Variants in ASTN1 observed in about 807,000 individuals in gnomAD.
ASTN1 encodes astrotactin 1.
ASTN1 carries 41 observed loss-of-function variants against 140.7 expected under a neutral mutation model. The observed-to-expected ratio is 0.29, with a 90% CI of 0.23 to 0.38. The LOEUF (loss-of-function observed/expected upper bound fraction) is 0.38, where lower values mean the gene tolerates loss of function less well. Among genes scored for constraint, ASTN1 ranks in the 10% least tolerant of loss-of-function variants. The pLI is 1.00. For synonymous variants in ASTN1, 640 were observed against 652.2 expected (o/e 0.98, Z 0.29); for missense variants, 1,479 against 1,678.8 (o/e 0.88, Z 2.08).
intron 8 of ASTN1, among the ~76,000 whole-genome samples, chr1:176,973,433 A>T (rs902004462): frequency 6.6e-6 from 1 of 152,120 alleles, no homozygotes; most frequent in Non-Finnish European, 1.5e-5. Flanking sequence ...ACACTCCAAC[A>T]CTGGTTAAAC....
chr1:177,063,173 G>C (rs1678182425), intron 1 of ASTN1, among the ~76,000 whole-genome samples: 1 of 152,166 alleles, frequency 6.6e-6, no homozygotes, highest in African/African-American at 2.4e-5. Flanking sequence ...TTTTATATGA[G>C]CCACAGGTCA....
At chr1:176,866,195 T>C (rs1269055551) in intron 22 of ASTN1, among the ~76,000 whole-genome samples, 1 of 152,040 alleles carries the variant, frequency 6.6e-6, no homozygotes, top group Non-Finnish European at 1.5e-5. Flanking sequence ...TTCTAAAGGG[T>C]GAGCTGGGAG....
intron 20 of ASTN1, among the ~76,000 whole-genome samples, chr1:176,881,325 G>T (rs761401692): frequency 6.6e-6 from 1 of 152,160 alleles, no homozygotes; most frequent in Non-Finnish European, 1.5e-5. Context: ...AGACGGTATT[G>T]GCCTCGGTCT....
intron 22 of ASTN1, among the ~76,000 whole-genome samples, chr1:176,867,050 C>A (rs898200710): frequency 4.6e-5 from 7 of 152,196 alleles, no homozygotes; most frequent in Admixed American, 2.0e-4. Flanking sequence ...ATGAAGGAAC[C>A]TCCTGGGAGG....
At chr1:176,972,799 G>A (rs1302851776) in intron 8 of ASTN1, among the ~76,000 whole-genome samples, 4 of 152,174 alleles carry the variant, frequency 2.6e-5, no homozygotes, top group African/African-American at 4.8e-5. Context: ...TAACACACTT[G>A]TCAGTAATTA....
chr1:177,126,706 T>C lies in ASTN1; in HGVS notation c.283+37688A>G, dbSNP rs1050868662. ...TGCTGCCATCCTGAAGCAAAGGCCA[T>C]TATGATAACGTGTCATCATGCATCA... is the stretch of plus-strand genomic sequence containing the variant. On this transcript the variant is annotated intron_variant, in intron 1 of 22. Transcript: ENST00000361833. Among the ~76,000 whole-genome samples the C allele has an allele frequency of 7.9e-5, 12 of 152,246 alleles. 1 individual carries two copies. The highest frequency in any genetic ancestry group is 6.5e-4 in the Admixed American group (10 of 15,278).
At chr1:177,112,651 A>C (rs1254770853) in intron 1 of ASTN1, among the ~76,000 whole-genome samples, 4 of 152,130 alleles carry the variant, frequency 2.6e-5, no homozygotes, top group Admixed American at 1.3e-4. Context: ...TCACATCCCT[A>C]ATGCCTTTGG....
At chr1:177,160,447 C>T (rs1371741080) in intron 1 of ASTN1, among the ~76,000 whole-genome samples, 2 of 152,194 alleles carry the variant, frequency 1.3e-5, no homozygotes, top group African/African-American at 4.8e-5. Context: ...CAATCAAAAG[C>T]CATGACAGCT....
At chr1:177,072,278 T>C (rs899818054) in intron 1 of ASTN1, among the ~76,000 whole-genome samples, 14 of 152,252 alleles carry the variant, frequency 9.2e-5, no homozygotes, top group African/African-American at 3.4e-4. Flanking sequence ...AATTGAGTTA[T>C]TAACCTATTC....
intron 1 of ASTN1, among the ~76,000 whole-genome samples, chr1:177,092,013 G>A (rs139215650): frequency 6.9e-4 from 105 of 152,000 alleles, no homozygotes; most frequent in African/African-American, 2.1e-3. Context: ...TCTTGGTTAT[G>A]TACCTAAAAT....
At chr1:177,125,956 CCTTTATTT>C (rs745731768) in intron 1 of ASTN1, among the ~76,000 whole-genome samples, 1 of 152,086 alleles carries the variant, frequency 6.6e-6, no homozygotes, top group Non-Finnish European at 1.5e-5. Context: ...CAAAGGATGC[CCTTTATTT>C]CTAATATTCC....
At chr1:177,075,813 T>C (rs1160534329) in intron 1 of ASTN1, among the ~76,000 whole-genome samples, 1 of 151,820 alleles carries the variant, frequency 6.6e-6, no homozygotes, top group Non-Finnish European at 1.5e-5. Flanking sequence ...AGCCTAGTTT[T>C]CATTTCTTTG....
chr1:176,922,225 T>C (rs1446967923), intron 16 of ASTN1, among the ~76,000 whole-genome samples: 1 of 152,146 alleles, frequency 6.6e-6, no homozygotes, highest in Non-Finnish European at 1.5e-5. Context: ...CTGTTGAAAC[T>C]GGGTTGTTAA....
rs373152514 is a variant in ASTN1 at position 176,876,606 on chromosome 1, G to A, written c.3394C>T (p.Arg1132Trp). 47 of 1,614,122 alleles carry A rather than the reference G, an allele frequency of 2.9e-5. No homozygotes were observed. The highest frequency in any genetic ancestry group is 2.3e-4 in the African/African-American group (17 of 75,014). ...ATCACGTCGCTTGGCCTGGAGCGCC[G>A]TCCTGTGTTGTCCACTCCCCACAGC... The part of the protein sequence containing the change: ...FTLWGVDNTG[R>W]RSRPSDVIVK... The change falls in exon 21 of 23, where the codon CGG becomes TGG. Residue 1132 changes from arginine to tryptophan, a missense_variant. Physicochemically the swap from Arg to Trp is moderately radical, Grantham distance 101. Transcript: ENST00000361833.
chr1:176,892,806 T>C (rs952126763), intron 17 of ASTN1, among the ~76,000 whole-genome samples: 5 of 152,110 alleles, frequency 3.3e-5, no homozygotes, highest in African/African-American at 1.2e-4. Flanking sequence ...TCACTCGTCA[T>C]CTCCATTCTT....
At chr1:177,135,117 C>T (rs1185673907) in intron 1 of ASTN1, among the ~76,000 whole-genome samples, 2 of 152,088 alleles carry the variant, frequency 1.3e-5, no homozygotes, top group African/African-American at 2.4e-5. Flanking sequence ...TGCCATGGGA[C>T]GTTGCTTTTG....
intron 16 of ASTN1, among the ~76,000 whole-genome samples, chr1:176,932,939 G>A (rs1262687077): frequency 1.3e-5 from 2 of 152,236 alleles, no homozygotes; most frequent in Non-Finnish European, 2.9e-5. Flanking sequence ...AGCTTTGCCA[G>A]CTGGAACTGG....
At chr1:177,108,363 AAAAG>A (rs1447653314) in intron 1 of ASTN1, among the ~76,000 whole-genome samples, 1 of 151,496 alleles carries the variant, frequency 6.6e-6, no homozygotes, top group African/African-American at 2.4e-5. Flanking sequence ...AAAAAAAAAA[AAAAG>A]AAAAGAAAAA....
intron 2 of ASTN1, among the ~76,000 whole-genome samples, chr1:177,059,887 A>T: frequency 6.6e-6 from 1 of 152,118 alleles, no homozygotes; most frequent in East Asian, 1.9e-4. Flanking sequence ...AATAATCTAC[A>T]CCCTCCCATA....
Sources: gnomAD v4.1 joint callset for allele counts (sites outside exome capture counted in the v4.1 genomes callset) on GRCh38, gnomAD v4.1.1 for gene constraint, MANE v1.5 for transcripts, NCBI Gene and HGNC (gene_info 2026-07-23, HGNC 2026-07-21) for gene names.